Variants in SAG observed in about 807,000 individuals in gnomAD.
SAG encodes the protein S-antigen visual arrestin, also known as S-arrestin.
In SAG, 45 loss-of-function variants were observed where a neutral mutation model predicts 55.0. That is an observed-to-expected ratio of 0.82 (90% CI 0.64 to 1.05). SAG has a LOEUF of 1.05. Ranked by LOEUF, SAG falls within the 50% of genes least tolerant of loss-of-function variation. SAG has a pLI of 0.00. For synonymous variants in SAG, 189 were observed against 197.4 expected, an observed-to-expected ratio of 0.96 and a Z score of 0.36; for missense variants, 455 against 512.1, an observed-to-expected ratio of 0.89 and a Z score of 1.08.
At chr2:233,327,458 G>T (rs1156657349) in intron 7 of SAG, 7 of 357,620 alleles carry the variant, frequency 2.0e-5, no homozygotes, top group Non-Finnish European at 2.6e-5. Flanking sequence ...TTGAAGTTTT[G>T]TTGTTGTTGT....
At chr2:233,325,153 G>A (rs915554583) in intron 6 of SAG, among the ~76,000 whole-genome samples, 9 of 150,672 alleles carry the variant, frequency 6.0e-5, no homozygotes, top group East Asian at 1.9e-4. Context: ...GCAGTGAGCC[G>A]AGATTGTGCC....
At chr2:233,317,426 G>A (rs1700242360) in intron 3 of SAG, among the ~76,000 whole-genome samples, 2 of 152,212 alleles carry the variant, frequency 1.3e-5, no homozygotes, top group African/African-American at 2.4e-5. Flanking sequence ...TACTAGGGAC[G>A]TCTCTGTACT....
Position 233,329,524 on chromosome 2 carries a change from C to T in SAG, c.680C>T (p.Thr227Ile), listed in dbSNP as rs1463614441. 1.2e-6 allele frequency: 2 copies of T among 1,613,380 alleles called. No homozygotes were observed. Among genetic ancestry groups the T allele is most frequent in the African/African-American group, 2.7e-5 (2 of 74,896 alleles). The change falls in exon 9 of 16, where the codon ACC (threonine) becomes ATC (isoleucine). Residue 227 changes from threonine (T) to isoleucine (I), a missense_variant. Physicochemically the swap from Thr to Ile is moderately conservative, Grantham distance 89. Coordinates refer to ENST00000409110, the MANE Select transcript of SAG (RefSeq NM_000541.5). The stretch of plus-strand genomic sequence containing the variant: ...TTCCATGGGGAGCCCATCCCTGTGA[C>T]CGTGACTGTCACCAATAACACAGAG... Reference protein sequence around the residue: ...IYFHGEPIPVTVTVTNNTEKT... With the variant: ...IYFHGEPIPVIVTVTNNTEKT...
At position 233,331,699 on chromosome 2, in the gene SAG, A is replaced by G. The variant is rs781755716; in HGVS notation, c.793A>G (p.Met265Val). 2 of 1,613,304 alleles carry G rather than the reference A, an allele frequency of 1.2e-6. No homozygotes were observed. Among genetic ancestry groups the G allele is most frequent in the Non-Finnish European group, 1.7e-6 (2 of 1,179,396 alleles). ...SSDYYVKPVA[M>V]EEAQEKVPPN... ...TGATTATTACGTCAAGCCCGTGGCT[A>G]TGGAGGAAGCGCAGTGAGTAGCTGT... Residue 265 changes from methionine to valine, a missense_variant, in exon 10 of 16, where the codon ATG becomes GTG. By Grantham distance (21) the Met-to-Val change is conservative. Transcript: ENST00000409110.
chr2:233,337,893 T>A (rs559805517), intron 11 of SAG, among the ~76,000 whole-genome samples: 3 of 152,268 alleles, frequency 2.0e-5, no homozygotes, highest in Non-Finnish European at 4.4e-5. Flanking sequence ...GCATCTGTGA[T>A]GAAATGCCCG....
chr2:233,320,521 C>T, intron 4 of SAG, 109 bp from the exon 5 acceptor site: 1 of 784,152 alleles, frequency 1.3e-6, no homozygotes, highest in Non-Finnish European at 2.0e-6. Context: ...CAGCCCCTAT[C>T]CCCTCCAGAT....
chr2:233,329,724 C>T lies in SAG; in HGVS notation c.733+147C>T, dbSNP rs185089117. 7.1e-5 allele frequency: 44 copies of T among 621,208 alleles called. No homozygotes were observed. The East Asian group carries it at 9.8e-4, about 14-fold the overall frequency. 38.5% of individuals were successfully genotyped at this position (621,208 alleles called of 1,614,324 possible). A position where few individuals can be genotyped will look rare whatever the true frequency, so the allele number is the denominator to read the frequency against. ...TCTGCTGTCATAGGCAGCAGGACTG[C>T]GGAGGGAGAAAGGCCTTACAAGTTA... On this transcript the variant is annotated intron_variant, in intron 9 of 15. Coordinates refer to ENST00000409110, the MANE Select transcript of SAG (RefSeq NM_000541.5).
intron 11 of SAG, among the ~76,000 whole-genome samples, chr2:233,335,707 G>A (rs1194606796): frequency 1.3e-5 from 2 of 152,198 alleles, no homozygotes; most frequent in South Asian, 2.1e-4. Flanking sequence ...CTCAAAGGAC[G>A]ACTGGCTGAA....
At chr2:233,339,491 A>G (rs1431279541) in intron 12 of SAG, among the ~76,000 whole-genome samples, 1 of 151,934 alleles carries the variant, frequency 6.6e-6, no homozygotes, top group African/African-American at 2.4e-5. Flanking sequence ...CCAAATTTCT[A>G]ACAAAGTAGA....
intron 11 of SAG, among the ~76,000 whole-genome samples, chr2:233,337,017 G>GC (rs1438279298): frequency 1.3e-5 from 2 of 151,874 alleles, no homozygotes; most frequent in African/African-American, 4.8e-5. Context: ...GATAGCTTGA[G>GC]CCCAGGAGGT....
intron 14 of SAG, chr2:233,342,555 T>A (rs1414054861): frequency 1.8e-6 from 1 of 563,768 alleles, no homozygotes; most frequent in Non-Finnish European, 3.2e-6. Flanking sequence ...AGATGTAGCA[T>A]CCTTGCTCTT....
chr2:233,309,157 CCAAGGTGG>C lies in SAG; in HGVS notation c.-28-4_-25del, dbSNP rs1388456899. The C allele has an allele frequency of 1.3e-6, 2 of 1,591,064 alleles. No homozygotes were observed. Among genetic ancestry groups the C allele is most frequent in the Non-Finnish European group, 1.7e-6 (2 of 1,160,136 alleles). On this transcript the variant is annotated splice_acceptor_variant and splice_polypyrimidine_tract_variant and 5_prime_UTR_variant and intron_variant, in exon 2 of 16. Coordinates refer to ENST00000409110, the MANE Select transcript of SAG (RefSeq NM_000541.5). LOFTEE classifies it low-confidence loss of function (5UTR_SPLICE). ...AACCCTCTAACACCTGACCAACACC[CCAAGGTGG>C]TAGAAGTTGCCAGGGACAGATAACA...
chr2:233,338,147 G>A (rs1433151372), intron 11 of SAG, among the ~76,000 whole-genome samples: 1 of 152,244 alleles, frequency 6.6e-6, no homozygotes, highest in African/African-American at 2.4e-5. Flanking sequence ...GTGCAGGGTT[G>A]TGTTGGCAAG....
chr2:233,312,901 C>A (rs1271997927), intron 2 of SAG, among the ~76,000 whole-genome samples: 3 of 152,212 alleles, frequency 2.0e-5, no homozygotes, highest in Non-Finnish European at 4.4e-5. Flanking sequence ...TCCAGGGGCA[C>A]AATTGCCAGT....
intron 12 of SAG, 137 bp downstream of exon 12, chr2:233,338,890 T>C (rs767345963): frequency 1.3e-6 from 1 of 765,326 alleles, no homozygotes. Context: ...AAGTAGAGCT[T>C]GGGAGAGATT....
At chr2:233,309,743 T>C (rs969178511) in intron 2 of SAG, among the ~76,000 whole-genome samples, 1 of 152,368 alleles carries the variant, frequency 6.6e-6, no homozygotes, top group East Asian at 1.9e-4. Context: ...AATGAGTGAA[T>C]GAACTGCAGA....
chr2:233,328,305 C>T lies in SAG; in HGVS notation c.513-173C>T, dbSNP rs72978313. 0.058 allele frequency: 38,693 copies of T among 663,746 alleles called. 1,387 individuals carry two copies. The highest frequency in any genetic ancestry group is 0.1 in the South Asian group (3,944 of 38,782). 41.1% of individuals were successfully genotyped at this position (663,746 alleles called of 1,614,324 possible). ...CAGGACCCAGACCCCCAGGCTCTTCCACCGTCAGGGCTGCCTCAGGCTCTG... is the reference window on the plus strand; with the variant it reads ...CAGGACCCAGACCCCCAGGCTCTTCTACCGTCAGGGCTGCCTCAGGCTCTG... On this transcript the variant is annotated intron_variant, in intron 7 of 15. Transcript: ENST00000409110.
intron 6 of SAG, among the ~76,000 whole-genome samples, chr2:233,323,846 C>A (rs1700463400): frequency 6.6e-6 from 1 of 152,142 alleles, no homozygotes; most frequent in African/African-American, 2.4e-5. Flanking sequence ...TAACCGAGAG[C>A]ACCAGGTAAA....
chr2:233,315,241 CT>C (rs1188192889), intron 2 of SAG, among the ~76,000 whole-genome samples: 2 of 142,772 alleles, frequency 1.4e-5, no homozygotes, highest in African/African-American at 2.5e-5. Flanking sequence ...ATTTCAGGGG[CT>C]TCTCCAGAAC....
Sources: allele counts gnomAD v4.1 joint callset (sites outside exome capture counted in the v4.1 genomes callset), GRCh38; gene constraint gnomAD v4.1.1; transcripts MANE v1.5; gene names NCBI Gene and HGNC (gene_info 2026-07-23, HGNC 2026-07-21).